The following IKZF4 variants were observed in gnomAD, a reference collection of about 807,000 sequenced individuals.
IKZF4 encodes IKAROS family zinc finger 4, also known as zinc finger protein Eos.
A neutral mutation model predicts 47.7 loss-of-function variants in IKZF4; 11 were observed. The observed-to-expected ratio is 0.23, with a 90% CI of 0.15 to 0.38. IKZF4 has a LOEUF of 0.38. Ranked by LOEUF, IKZF4 falls within the 10% of genes least tolerant of loss-of-function variation. The pLI is 1.00. For missense variants in IKZF4, 557 were observed against 784.9 expected (o/e 0.71, Z 3.47); for synonymous variants, 298 against 299.4 (o/e 1.00, Z 0.05).
At chr12:56,027,409 A>T (rs1009632589) in intron 4 of IKZF4, among the ~76,000 whole-genome samples, 1 of 149,904 alleles carries the variant, frequency 6.7e-6, no homozygotes, top group Non-Finnish European at 1.5e-5. Context: ...TCTAATAATT[A>T]AAAAACAACA....
chr12:56,024,850 C>T (rs1171051557), intron 2 of IKZF4: 1 of 1,450,436 alleles, frequency 6.9e-7, no homozygotes, highest in Non-Finnish European at 9.1e-7. Context: ...AGGCAAGGCC[C>T]AGCCACTGAG....
Position 56,027,928 on chromosome 12 carries a change from T to C in IKZF4, c.696T>C (p.Gly232=), listed in dbSNP as rs1894281147. 7 of 1,577,306 alleles carry C rather than the reference T, an allele frequency of 4.4e-6. No individual in the cohort carries two copies. The highest frequency in any genetic ancestry group is 1.7e-4 in the Middle Eastern group (1 of 5,872). The change falls in exon 5 of 8, where the codon GGT becomes GGC. Residue 232 remains glycine (G), a synonymous_variant. Transcript: ENST00000547167. ...GCCGCCGGCGTGATGCACTCACTGG[T>C]CACCTCCGCACACACTCAGGTCAGT... ...YACRRRDALT[G]HLRTHSVSSP...
chr12:56,021,434 T>C lies in IKZF4; in HGVS notation c.-60T>C. 2 of 1,552,832 alleles carry C rather than the reference T, an allele frequency of 1.3e-6. No individual in the cohort carries two copies. The highest frequency in any genetic ancestry group is 1.7e-6 in the Non-Finnish European group (2 of 1,148,440). On this transcript the variant is annotated 5_prime_UTR_variant, in exon 1 of 8. Transcript: ENST00000547167. ...CGGCGGTTCCCCTCACTTCCAGGAA[T>C]CCACGCTTCCTGGAAGGTGAGTGGC... is the stretch of plus-strand genomic sequence containing the variant.
At chr12:56,019,482 C>T (rs553142119), upstream of IKZF4, 1 of 352,156 alleles carries the variant, frequency 2.8e-6, no homozygotes, top group Non-Finnish European at 4.0e-6. Context: ...TAAAGGCATT[C>T]AATATCTGCC....
chr12:56,035,359 C>A lies in IKZF4; in HGVS notation c.*28C>A. The A allele has an allele frequency of 6.3e-7, 1 of 1,584,678 alleles. No homozygotes were observed. Among genetic ancestry groups the A allele is most frequent in the South Asian group, 1.2e-5 (1 of 84,764 alleles). ...ACCTCTCCCTCTCTCCTCAGTCCAC[C>A]ACTCCACTGCCCTGACTACAGGCAT... On this transcript the variant is annotated 3_prime_UTR_variant, in exon 8 of 8. Transcript: ENST00000547167. The surrounding 1 kb of genome is among the most constrained non-coding windows in gnomAD (Gnocchi z 6.1).
At chr12:56,031,252 AAAAAAAAGAAG>A (rs1307456816) in intron 5 of IKZF4, among the ~76,000 whole-genome samples, 1 of 152,102 alleles carries the variant, frequency 6.6e-6, no homozygotes, top group African/African-American at 2.4e-5. Context: ...CTCTGTCTCC[AAAAAAAAGAAG>A]AAAAAAAGAT....
At chr12:56,013,533 A>G (rs1244302910) in intron 2 of IKZF4, among the ~76,000 whole-genome samples, 2 of 152,100 alleles carry the variant, frequency 1.3e-5, no homozygotes, top group Non-Finnish European at 2.9e-5. Context: ...TCCTTCCAAG[A>G]TCTTTGATAC....
rs1163855112 is a variant in IKZF4, at chr12:56,037,898, A to T, written c.*2567A>T. On this transcript the variant is annotated 3_prime_UTR_variant, in exon 8 of 8. Coordinates refer to ENST00000547167, the MANE Select transcript of IKZF4 (RefSeq NM_022465.4). Reference sequence around the variant, plus strand: ...ACACACTGAAACCCACATGGAGAAAAGAGGTGTTTCCTTTTATATTGCTAT... The same window carrying T: ...ACACACTGAAACCCACATGGAGAAATGAGGTGTTTCCTTTTATATTGCTAT... 1 of 152,066 alleles carries T rather than the reference A, an allele frequency of 6.6e-6. No individual in the cohort carries two copies. Among genetic ancestry groups the T allele is most frequent in the Non-Finnish European group, 1.5e-5 (1 of 68,008 alleles). 9.4% of individuals were successfully genotyped at this position (152,066 alleles called of 1,614,324 possible).
rs1212052986 is a variant in IKZF4 at position 56,036,603 on chromosome 12, T to C, written c.*1272T>C. 1 of 152,228 alleles carries C rather than the reference T, an allele frequency of 6.6e-6. No homozygotes were observed. Among genetic ancestry groups the C allele is most frequent in the Non-Finnish European group, 1.5e-5 (1 of 68,042 alleles). 9.4% of individuals were successfully genotyped at this position (152,228 alleles called of 1,614,324 possible). A position where few individuals can be genotyped will look rare whatever the true frequency, so the allele number is the denominator to read the frequency against. On this transcript the variant is annotated 3_prime_UTR_variant, in exon 8 of 8. Coordinates refer to ENST00000547167, the MANE Select transcript of IKZF4 (RefSeq NM_022465.4). The stretch of plus-strand genomic sequence containing the variant: ...TTATCCCAGCATGAGCACGGGCACG[T>C]GCCCTTCACCCCATTCCACCCTTGT...
chr12:56,036,918 AG>A lies in IKZF4; in HGVS notation c.*1588del, dbSNP rs1236013643. On this transcript the variant is annotated 3_prime_UTR_variant, in exon 8 of 8. Transcript: ENST00000547167. The stretch of plus-strand genomic sequence containing the variant: ...TTTTCTATGTTTAAAGAAAAAAAAA[AG>A]TAAAAACCAAACACAACACCTCACA... The A allele has an allele frequency of 1.3e-5, 2 of 152,014 alleles. No individual in the cohort carries two copies. Among genetic ancestry groups the A allele is most frequent in the African/African-American group, 4.8e-5 (2 of 41,376 alleles). 9.4% of individuals were successfully genotyped at this position (152,014 alleles called of 1,614,324 possible).
intron 2 of IKZF4, among the ~76,000 whole-genome samples, chr12:56,014,023 C>A (rs189893363): frequency 6.6e-6 from 1 of 152,060 alleles, no homozygotes; most frequent in Non-Finnish European, 1.5e-5. Context: ...TGGTGGCGCA[C>A]GCCTGTAATC....
chr12:56,033,219 C>A lies in IKZF4; in HGVS notation c.895C>A (p.Pro299Thr). The A allele has an allele frequency of 2.5e-6, 4 of 1,613,998 alleles. No homozygotes were observed. The highest frequency in any genetic ancestry group is 3.4e-6 in the Non-Finnish European group (4 of 1,179,896). The change falls in exon 7 of 8, where the codon CCA becomes ACA. Residue 299 changes from proline (P) to threonine (T), a missense_variant. Transcript: ENST00000547167. ...CGAAATACGTGACCTGGAGATGGTG[C>A]CAGACTCCATGCTGCACTCATCCTC... Reference protein sequence around the residue: ...GDEIRDLEMVPDSMLHSSSER... With the variant: ...GDEIRDLEMVTDSMLHSSSER...
chr12:56,020,606 G>A (rs963299243), upstream of IKZF4, among the ~76,000 whole-genome samples: 39 of 152,190 alleles, frequency 2.6e-4, no homozygotes, highest in African/African-American at 9.4e-4. Context: ...CCTCTGAAAG[G>A]GAAGGGAGCA....
chr12:56,030,743 A>AT (rs1327641121), intron 5 of IKZF4, among the ~76,000 whole-genome samples: 1 of 151,842 alleles, frequency 6.6e-6, no homozygotes, highest in Non-Finnish European at 1.5e-5. Flanking sequence ...AAAAAAAAAA[A>AT]AGTAGAGAGT....
rs1317805173 is a variant in IKZF4 at position 56,034,708 on chromosome 12, G to C, written c.1135G>C (p.Glu379Gln). ...FGSSLAFVGA[E>Q]HLRPLRLPPT... Reference sequence around the variant, plus strand: ...AAGTTCCCTGGCCTTTGTGGGTGCAGAGCATCTGCGTCCCCTCCGCCTTCC... The same window carrying C: ...AAGTTCCCTGGCCTTTGTGGGTGCACAGCATCTGCGTCCCCTCCGCCTTCC... The change falls in exon 8 of 8, where the codon GAG becomes CAG. Residue 379 changes from glutamate to glutamine, a missense_variant. Physicochemically the swap from Glu to Gln is conservative, Grantham distance 29. Around this residue, in one of 6 missense-constraint regions of IKZF4, gnomAD observed 280 missense variants for 314.0 expected, o/e 0.89. Coordinates refer to ENST00000547167, the MANE Select transcript of IKZF4 (RefSeq NM_022465.4). 1 of 1,614,032 alleles carries C rather than the reference G, an allele frequency of 6.2e-7. No homozygotes were observed. Among genetic ancestry groups the C allele is most frequent in the Admixed American group, 1.7e-5 (1 of 60,030 alleles).
intron 1 of IKZF4, among the ~76,000 whole-genome samples, chr12:56,022,960 C>T (rs1036753614): frequency 1.3e-5 from 2 of 152,002 alleles, no homozygotes; most frequent in East Asian, 1.9e-4. Context: ...CTACCATGCC[C>T]GGATAATTTT....
intron 2 of IKZF4, 29 bp from the exon 3 acceptor site, chr12:56,025,025 T>C: frequency 6.4e-7 from 1 of 1,560,096 alleles, no homozygotes; most frequent in Non-Finnish European, 8.7e-7. Flanking sequence ...AGCTCCAGCT[T>C]TACCTGCCCT....
chr12:56,023,082 A>G (rs1165944062), intron 1 of IKZF4, among the ~76,000 whole-genome samples: 1 of 152,082 alleles, frequency 6.6e-6, no homozygotes, highest in Non-Finnish European at 1.5e-5. Context: ...TACAGGCGTG[A>G]GCCACCGCGC....
chr12:56,021,687 G>GGTGT (rs1893011022), intron 1 of IKZF4, 107 bp downstream of exon 1: 2 of 1,005,906 alleles, frequency 2.0e-6, no homozygotes, highest in Non-Finnish European at 1.4e-6. Flanking sequence ...GAGGATGGGG[G>GGTGT]CTGTGTGTGT....
Sources: allele counts gnomAD v4.1 joint callset (sites outside exome capture counted in the v4.1 genomes callset), GRCh38; gene constraint gnomAD v4.1.1; regional missense constraint gnomAD v4.1.1; non-coding constraint Gnocchi (gnomAD v3.1); transcripts MANE v1.5; gene names NCBI Gene and HGNC (gene_info 2026-07-23, HGNC 2026-07-21).